MICAL2: variants seen among roughly 807,000 people sequenced by gnomAD.
MICAL2 encodes the protein [F-actin]-monooxygenase MICAL2.
Under a neutral mutation model 127.3 loss-of-function variants are expected in MICAL2, and 77 were observed. That is an observed-to-expected ratio of 0.60 (90% confidence interval 0.50 to 0.73). The LOEUF (loss-of-function observed/expected upper bound fraction) is 0.73. Among genes scored for constraint, MICAL2 ranks in the 30% least tolerant of loss-of-function variants. The pLI is 0.00. For missense variants in MICAL2, 1,351 were observed against 1,434.4 expected, an observed-to-expected ratio of 0.94 and a Z score of 0.94; for synonymous variants, 570 against 551.1, an observed-to-expected ratio of 1.03 and a Z score of -0.48.
intron 15 of MICAL2, among the ~76,000 whole-genome samples, chr11:12,227,811 C>T (rs886173817): frequency 6.6e-6 from 1 of 152,092 alleles, no homozygotes; most frequent in African/African-American, 2.4e-5. Flanking sequence ...TAGTTAAGAC[C>T]AAATAACTTA....
chr11:12,168,467 C>T (rs1428114222), intron 3 of MICAL2, among the ~76,000 whole-genome samples: 2 of 151,486 alleles, frequency 1.3e-5, no homozygotes, highest in Non-Finnish European at 2.9e-5. Context: ...CGTACATACA[C>T]ATGCACTTAT....
intron 1 of MICAL2, among the ~76,000 whole-genome samples, chr11:12,132,112 G>A (rs1369680676): frequency 6.6e-6 from 1 of 152,118 alleles, no homozygotes; most frequent in Non-Finnish European, 1.5e-5. Context: ...CTGCTCTGAG[G>A]CAACACCCAT....
chr11:12,176,750 T>G (rs79574738), intron 3 of MICAL2, among the ~76,000 whole-genome samples: 1,687 of 152,326 alleles, frequency 0.011, 22 homozygotes, highest in Middle Eastern at 0.024. Flanking sequence ...TGTGACTGTC[T>G]TATTTCCCTT....
In MICAL2 at chr11:12,145,033, C is replaced by T. The variant is rs577587543; in HGVS notation, c.-78+6573C>T. ...CCGTGGGCAGAGAGCTCTTCTCAGCCCACATCCTGATGAAGGAAGGAATCC... is the reference window on the plus strand; with the variant it reads ...CCGTGGGCAGAGAGCTCTTCTCAGCTCACATCCTGATGAAGGAAGGAATCC... On this transcript the variant is annotated intron_variant, in intron 2 of 27. Transcript: ENST00000683283. 2.2e-4 allele frequency among the ~76,000 whole-genome samples: 34 copies of T among 152,278 alleles called. No homozygotes were observed. The South Asian group carries it at 6.4e-3, about 29-fold the overall frequency.
chr11:12,289,295 A>G (rs1863863971), downstream of MICAL2, among the ~76,000 whole-genome samples: 1 of 152,248 alleles, frequency 6.6e-6, no homozygotes, highest in African/African-American at 2.4e-5. Flanking sequence ...AAGGCAAGGC[A>G]GCCCCCGGTG....
At chr11:12,199,579 A>T (rs1458045010) in intron 3 of MICAL2, among the ~76,000 whole-genome samples, 1 of 152,042 alleles carries the variant, frequency 6.6e-6, no homozygotes, top group Non-Finnish European at 1.5e-5. Context: ...GCCCCAGCAC[A>T]CTTGCCCACT....
chr11:12,266,924 T>C (rs979363106), downstream of MICAL2, among the ~76,000 whole-genome samples: 3 of 152,236 alleles, frequency 2.0e-5, no homozygotes, highest in African/African-American at 7.2e-5. Flanking sequence ...AGCACTTTCC[T>C]GATCTTGCAC....
intron 1 of MICAL2, among the ~76,000 whole-genome samples, chr11:12,131,299 CAAAAA>C (rs60340716): frequency 7.3e-5 from 1 of 13,702 alleles, no homozygotes; most frequent in Non-Finnish European, 1.8e-4. Flanking sequence ...GACTCCGTCT[CAAAAA>C]AAAAAAAAAA....
At position 12,213,265 on chromosome 11, in the gene MICAL2, A is replaced by G; in HGVS notation, c.702A>G (p.Arg234=). The G allele has an allele frequency of 6.2e-7, 1 of 1,611,850 alleles. No individual in the cohort carries two copies. ...TTTCTCCTCATGCAGGGTTCAGAAG[A>G]AAAGAATTCCGTGGGAAGCTGGCGA... The part of the protein sequence containing the change: ...GRRNTLEGFR[R]KEFRGKLAIA... The change falls in exon 7 of 28, where the codon AGA becomes AGG. Residue 234 remains arginine (R), a synonymous_variant. Coordinates refer to ENST00000683283, the MANE Select transcript of MICAL2 (RefSeq NM_001282663.2).
intron 26 of MICAL2, chr11:12,261,143 G>T (rs1297630161): frequency 9.1e-6 from 9 of 985,540 alleles, no homozygotes; most frequent in Non-Finnish European, 1.1e-5. Flanking sequence ...GACTGAGGGG[G>T]TTTGTTAGCA....
At chr11:12,116,186 G>C (rs888815249) in intron 1 of MICAL2, among the ~76,000 whole-genome samples, 7 of 151,586 alleles carry the variant, frequency 4.6e-5, no homozygotes, top group African/African-American at 1.2e-4. Context: ...CACTATGTTA[G>C]CCAGGATGGT....
Position 12,239,570 on chromosome 11 carries a change from C to T in MICAL2, c.2199C>T (p.Pro733=), listed in dbSNP as rs758060201. The T allele has an allele frequency of 1.9e-6, 3 of 1,614,132 alleles. No individual in the cohort carries two copies. Among genetic ancestry groups the T allele is most frequent in the South Asian group, 1.1e-5 (1 of 91,078 alleles). ...LAKFEESTRN[P]SLMKQERRVS... ...AGTTTGAGGAGAGCACTCGGAACCC[C>T]TCACTCATGAAGCAGGTGAGTCATG... Residue 733 remains proline (P), a synonymous_variant, in exon 17 of 28, where the codon CCC becomes CCT. Coordinates refer to ENST00000683283, the MANE Select transcript of MICAL2 (RefSeq NM_001282663.2).
chr11:12,283,029 G>A (rs748388456), intron 2 of MICAL2, among the ~76,000 whole-genome samples: 3 of 152,230 alleles, frequency 2.0e-5, no homozygotes, highest in Admixed American at 1.3e-4. Flanking sequence ...GAGTAGGTAA[G>A]TGGGTAGAAT....
At chr11:12,294,264 G>C (rs745884670), downstream of MICAL2, 267 of 1,613,980 alleles carry the variant, frequency 1.7e-4, no homozygotes, top group Non-Finnish European at 2.1e-4. Flanking sequence ...AATGCCATCC[G>C]AAGGTCTCTA....
Position 12,299,848 on chromosome 11 carries a change from C to T in MICAL2, c.5212+4991C>T, listed in dbSNP as rs78167518. Reference sequence around the variant, plus strand: ...TTATATGCCCTGCCCAACAAAGGTACTTCTCATCTGCCTCTTATCATCTTA... The same window carrying T: ...TTATATGCCCTGCCCAACAAAGGTATTTCTCATCTGCCTCTTATCATCTTA... On this transcript the variant is annotated intron_variant, in intron 29 of 34. Transcript: ENST00000646065. Among the ~76,000 whole-genome samples, 490 of 152,320 alleles carry T rather than the reference C, an allele frequency of 3.2e-3. 1 individual carries two copies. The highest frequency in any genetic ancestry group is 0.011 in the African/African-American group (466 of 41,574).
At chr11:12,112,846 G>C (rs1390487610) in intron 1 of MICAL2, among the ~76,000 whole-genome samples, 1 of 152,114 alleles carries the variant, frequency 6.6e-6, no homozygotes, top group Non-Finnish European at 1.5e-5. Context: ...GGCCATTGGA[G>C]GCCCATTCCC....
At chr11:12,334,451 T>C (rs545974805) in intron 32 of MICAL2, among the ~76,000 whole-genome samples, 1 of 152,130 alleles carries the variant, frequency 6.6e-6, no homozygotes. Flanking sequence ...TCTTTTTTTT[T>C]AATTTTATTA....
At chr11:12,305,497 C>G (rs187192940) in intron 29 of MICAL2, among the ~76,000 whole-genome samples, 1 of 123,390 alleles carries the variant, frequency 8.1e-6, no homozygotes, top group African/African-American at 3.6e-5. Context: ...GTATTTACTA[C>G]TACATTTTTT....
intron 1 of MICAL2, among the ~76,000 whole-genome samples, chr11:12,117,320 G>C (rs371623139): frequency 1.6e-4 from 24 of 152,234 alleles, no homozygotes; most frequent in African/African-American, 3.9e-4. Flanking sequence ...GACATCTCCA[G>C]ACCTAAGGTC....
Sources: gnomAD v4.1 joint callset for allele counts (sites outside exome capture counted in the v4.1 genomes callset) on GRCh38, gnomAD v4.1.1 for gene constraint, MANE v1.5 for transcripts, NCBI Gene and HGNC (gene_info 2026-07-23, HGNC 2026-07-21) for gene names.